Variants in LRMDA observed in about 807,000 individuals in gnomAD.
LRMDA encodes the protein leucine rich melanocyte differentiation associated.
Under a neutral mutation model 29.8 loss-of-function variants are expected in LRMDA, and 18 were observed. That is an observed-to-expected ratio of 0.60 (90% CI 0.42 to 0.90). LRMDA has a LOEUF of 0.90. LRMDA is among the 40% of genes least tolerant of loss of function. The pLI is 0.00. For missense variants in LRMDA, 273 were observed against 273.9 expected (o/e 1.00, Z 0.02); for synonymous variants, 125 against 109.4 (o/e 1.14, Z -0.89).
intron 2 of LRMDA, among the ~76,000 whole-genome samples, chr10:75,682,541 T>C (rs943054136): frequency 6.6e-6 from 1 of 152,174 alleles, no homozygotes; most frequent in African/African-American, 2.4e-5. Context: ...CTATATTATG[T>C]ATTATATAGT....
intron 2 of LRMDA, among the ~76,000 whole-genome samples, chr10:75,729,434 A>C (rs1842669056): frequency 6.6e-6 from 1 of 152,184 alleles, no homozygotes; most frequent in South Asian, 2.1e-4. Flanking sequence ...GGACAACGTG[A>C]GCATATTTGG....
At chr10:75,697,834 A>T (rs1842254730) in intron 2 of LRMDA, among the ~76,000 whole-genome samples, 2 of 132,052 alleles carry the variant, frequency 1.5e-5, no homozygotes, top group African/African-American at 3.1e-5. Context: ...TGCATGTAAG[A>T]GTGTGTGTGT....
At chr10:76,204,885 A>G (rs141980563) in intron 5 of LRMDA, among the ~76,000 whole-genome samples, 2 of 152,368 alleles carry the variant, frequency 1.3e-5, no homozygotes, top group African/African-American at 4.8e-5. Context: ...GATGAACATT[A>G]TGAGAGATCC....
At chr10:75,551,162 CTTT>C (rs71307703) in intron 2 of LRMDA, among the ~76,000 whole-genome samples, 11 of 136,190 alleles carry the variant, frequency 8.1e-5, no homozygotes, top group Non-Finnish European at 6.4e-5. Flanking sequence ...AGTCAGCTAT[CTTT>C]TTTTTTTTTT....
chr10:75,687,364 T>A (rs1010285119), intron 2 of LRMDA, among the ~76,000 whole-genome samples: 5 of 152,138 alleles, frequency 3.3e-5, no homozygotes, highest in African/African-American at 1.2e-4. Context: ...ACAGCCTTAT[T>A]GGTGATATGA....
intron 2 of LRMDA, among the ~76,000 whole-genome samples, chr10:75,947,936 A>C (rs1846504915): frequency 6.6e-6 from 1 of 152,118 alleles, no homozygotes; most frequent in Non-Finnish European, 1.5e-5. Flanking sequence ...CCTCACAGGG[A>C]GACTGTATTT....
intron 2 of LRMDA, among the ~76,000 whole-genome samples, chr10:75,548,989 A>G (rs1202404632): frequency 6.6e-6 from 1 of 152,142 alleles, no homozygotes; most frequent in Non-Finnish European, 1.5e-5. Context: ...TTGGCCCTGT[A>G]TATCCACTGT....
At chr10:75,783,876 A>C (rs1188377973) in intron 2 of LRMDA, among the ~76,000 whole-genome samples, 1 of 152,228 alleles carries the variant, frequency 6.6e-6, no homozygotes, top group East Asian at 1.9e-4. Context: ...ATATGCCCTC[A>C]TGGTCAAAAT....
intron 1 of LRMDA, among the ~76,000 whole-genome samples, chr10:75,433,492 C>G (rs772894423): frequency 4.6e-5 from 7 of 152,146 alleles, no homozygotes; most frequent in Non-Finnish European, 8.8e-5. Flanking sequence ...GCCCCATTTC[C>G]TAAACTGCCC....
chr10:75,644,585 C>T lies in LRMDA; in HGVS notation c.131+206091C>T, dbSNP rs1467569775. Among the ~76,000 whole-genome samples, 3 of 152,160 alleles carry T rather than the reference C, an allele frequency of 2.0e-5. 1 individual carries two copies. Among genetic ancestry groups the T allele is most frequent in the Admixed American group, 2.0e-4 (3 of 15,284 alleles). On this transcript the variant is annotated intron_variant, in intron 2 of 6. Coordinates refer to ENST00000611255, the MANE Select transcript of LRMDA (RefSeq NM_001305581.2). Reference sequence around the variant, plus strand: ...ATAAATAAACAGGCTTCATTAAATACAGTCACAGCAGGGTGGCTGAGCCGG... The same window carrying T: ...ATAAATAAACAGGCTTCATTAAATATAGTCACAGCAGGGTGGCTGAGCCGG...
chr10:75,627,431 C>T (rs1222980654), intron 2 of LRMDA, among the ~76,000 whole-genome samples: 3 of 152,252 alleles, frequency 2.0e-5, no homozygotes, highest in South Asian at 2.1e-4. Context: ...TAGAAAAGAT[C>T]ATAGGTCTTT....
chr10:75,978,227 A>G (rs1248511812), intron 2 of LRMDA, among the ~76,000 whole-genome samples: 1 of 152,236 alleles, frequency 6.6e-6, no homozygotes. Context: ...TTTCTCTCAC[A>G]TAAAAGGAGT....
Position 76,559,780 on chromosome 10 carries a change from T to C in LRMDA, c.*2492T>C, listed in dbSNP as rs1843601875. ...TATCCTATTCCACTGAGCTTGTTCT[T>C]TGGGGATTGTGGTGCCTGACATCAC... is the stretch of plus-strand genomic sequence containing the variant. On this transcript the variant is annotated 3_prime_UTR_variant, in exon 7 of 7. Coordinates refer to ENST00000611255, the MANE Select transcript of LRMDA (RefSeq NM_001305581.2). 6.6e-6 allele frequency: 1 copy of C among 152,258 alleles called. No homozygotes were observed. Among genetic ancestry groups the C allele is most frequent in the African/African-American group, 2.4e-5 (1 of 41,474 alleles). The allele number at this position is 152,258 out of a possible 1,614,324, so 9.4% of individuals were successfully genotyped here.
chr10:76,126,899 A>G (rs1849893642), intron 5 of LRMDA, among the ~76,000 whole-genome samples: 1 of 152,184 alleles, frequency 6.6e-6, no homozygotes, highest in South Asian at 2.1e-4. Flanking sequence ...CCAACCAAAA[A>G]CCACCCTAAG....
intron 6 of LRMDA, among the ~76,000 whole-genome samples, chr10:76,413,562 CG>C (rs747547145): frequency 1.4e-4 from 22 of 152,150 alleles, no homozygotes; most frequent in South Asian, 4.1e-4. Flanking sequence ...TATCTCCCAC[CG>C]GGTCCCTCCC....
chr10:76,305,878 A>G (rs1299744083), intron 5 of LRMDA, among the ~76,000 whole-genome samples: 1 of 152,188 alleles, frequency 6.6e-6, no homozygotes, highest in Non-Finnish European at 1.5e-5. Flanking sequence ...ATTTACAGAA[A>G]ATTTTGAAAA....
In LRMDA at chr10:76,352,696, A is replaced by G. The variant is rs552927004; in HGVS notation, c.601+28211A>G. On this transcript the variant is annotated intron_variant, in intron 6 of 6. Coordinates refer to ENST00000611255, the MANE Select transcript of LRMDA (RefSeq NM_001305581.2). ...GATAAGGAGGGACTACTGTATACAT[A>G]TTGTTGCTGCTGCTGTTTCTATTAT... is the stretch of plus-strand genomic sequence containing the variant. 2.7e-4 allele frequency among the ~76,000 whole-genome samples: 41 copies of G among 152,220 alleles called. 1 individual carries two copies. In the South Asian group the frequency reaches 3.1e-3, roughly 12 times the overall value.
At chr10:75,718,567 A>C (rs1037284209) in intron 2 of LRMDA, among the ~76,000 whole-genome samples, 1 of 152,254 alleles carries the variant, frequency 6.6e-6, no homozygotes, top group Non-Finnish European at 1.5e-5. Context: ...GAAGGATTTC[A>C]TAATGCACCA....
chr10:75,730,233 A>G (rs1299981871), intron 2 of LRMDA, among the ~76,000 whole-genome samples: 1 of 152,132 alleles, frequency 6.6e-6, no homozygotes, highest in African/African-American at 2.4e-5. Context: ...ATTTAGTGAC[A>G]TGTTTCTTTT....
Sources: allele counts gnomAD v4.1 joint callset (sites outside exome capture counted in the v4.1 genomes callset), GRCh38; gene constraint gnomAD v4.1.1; transcripts MANE v1.5; gene names NCBI Gene and HGNC (gene_info 2026-07-23, HGNC 2026-07-21).